RILPL2: variants seen among roughly 807,000 people sequenced by gnomAD.
The protein encoded by RILPL2 is Rab interacting lysosomal protein like 2, also known as RILP-like protein 2.
In RILPL2, 19 loss-of-function variants were observed where a neutral mutation model predicts 22.2. The observed-to-expected ratio is 0.86, with a 90% CI of 0.60 to 1.25. RILPL2 has a LOEUF of 1.25. Among genes scored for constraint, RILPL2 ranks in the 50% most tolerant of loss-of-function variants. The pLI is 0.00. For missense variants in RILPL2, 243 were observed against 263.6 expected, an observed-to-expected ratio of 0.92 and a Z score of 0.54; for synonymous variants, 123 against 111.6, an observed-to-expected ratio of 1.10 and a Z score of -0.64.
intron 2 of RILPL2, among the ~76,000 whole-genome samples, chr12:123,423,805 C>T (rs750772599): frequency 2.6e-5 from 4 of 151,960 alleles, no homozygotes; most frequent in Admixed American, 6.6e-5. Context: ...AGGCGCCCGC[C>T]ACCACACCCG....
intron 2 of RILPL2, 60 bp downstream of exon 2, chr12:123,430,448 A>G: frequency 6.7e-7 from 1 of 1,484,768 alleles, no homozygotes; most frequent in Non-Finnish European, 9.0e-7. Context: ...CAAATATGTA[A>G]CCTAGCAAGG....
At chr12:123,423,203 GTTTTT>G in intron 2 of RILPL2, 46 bp from the exon 3 acceptor site, 169 of 826,170 alleles carry the variant, frequency 2.0e-4, no homozygotes, top group Non-Finnish European at 2.6e-4. Context: ...ATTACAGATC[GTTTTT>G]TTTTTTTTTT....
chr12:123,415,799 G>C lies in RILPL2; in HGVS notation c.*92C>G. 1 of 1,188,818 alleles carries C rather than the reference G, an allele frequency of 8.4e-7. No individual in the cohort carries two copies. The highest frequency in any genetic ancestry group is 1.2e-5 in the South Asian group (1 of 82,674). The allele number at this position is 1,188,818 out of a possible 1,614,324, so 73.6% of individuals were successfully genotyped here. ...GGGGAAATAAATACACAGGCCTAGT[G>C]TGTCTGTGTGGCACAGGGAGGTGGT... On this transcript the variant is annotated 3_prime_UTR_variant, in exon 4 of 4. Coordinates refer to ENST00000280571, the MANE Select transcript of RILPL2 (RefSeq NM_145058.3).
rs559726330 is a variant in RILPL2, at chr12:123,419,012, C to T, written c.606-3091G>A. 1.5e-4 allele frequency among the ~76,000 whole-genome samples: 21 copies of T among 142,552 alleles called. No individual in the cohort carries two copies. The East Asian group carries it at 2.7e-3, about 18-fold the overall frequency. The allele number at this position is 142,552 out of a possible 152,430, so 93.5% of individuals were successfully genotyped here. ...GATTATAGGTGTGACCCACTGCGCCCGGCTTTTTTTTTTTTTGAGACGGAG... is the reference window on the plus strand; with the variant it reads ...GATTATAGGTGTGACCCACTGCGCCTGGCTTTTTTTTTTTTTGAGACGGAG... On this transcript the variant is annotated intron_variant, in intron 3 of 3. Transcript: ENST00000280571.
chr12:123,423,022 G>C (rs749129463), intron 3 of RILPL2, 22 bp downstream of exon 3: 7 of 1,536,628 alleles, frequency 4.6e-6, no homozygotes, highest in South Asian at 1.1e-5. Context: ...GCGGGACCGG[G>C]GGGCAGCAAG....
At chr12:123,412,481 C>G (rs2139225572), downstream of RILPL2, 1 of 152,268 alleles carries the variant, frequency 6.6e-6, no homozygotes, top group South Asian at 2.1e-4. Flanking sequence ...ATTAGGAGCC[C>G]TGATCTAATG....
rs551866960 is a variant in RILPL2, at chr12:123,417,423, G to C, written c.606-1502C>G. The stretch of plus-strand genomic sequence containing the variant: ...ATAAATACGGTCATGTTACTCTCCA[G>C]CTTAAAACCATCCAATGTCTCTTCC... On this transcript the variant is annotated intron_variant, in intron 3 of 3. Transcript: ENST00000280571. Among the ~76,000 whole-genome samples the C allele has an allele frequency of 8.5e-5, 13 of 152,092 alleles. No individual in the cohort carries two copies. The South Asian group carries it at 2.7e-3, about 32-fold the overall frequency.
In RILPL2 at chr12:123,436,683, A is replaced by G; in HGVS notation, c.-263T>C. On this transcript the variant is annotated 5_prime_UTR_variant, in exon 1 of 4. Transcript: ENST00000280571. This position sits in a 1 kb window ranked among gnomAD's most constrained non-coding sequence, Gnocchi z 6.7. ...TTGGGGCGCGAAGGGACAACGGAAA[A>G]GGAGGCAGCCGAGAAGAGGAACGGG... 3.6e-6 allele frequency: 2 copies of G among 548,526 alleles called. No individual in the cohort carries two copies. Among genetic ancestry groups the G allele is most frequent in the Non-Finnish European group, 6.4e-6 (2 of 311,478 alleles). The allele number at this position is 548,526 out of a possible 1,614,324, so 34.0% of individuals were successfully genotyped here.
At chr12:123,412,360 C>T (rs1291942492), downstream of RILPL2, 2 of 152,250 alleles carry the variant, frequency 1.3e-5, no homozygotes, top group African/African-American at 2.4e-5. Context: ...AGGCTGGTCT[C>T]GAACTCCTGG....
chr12:123,428,210 C>T (rs571441376), intron 2 of RILPL2, among the ~76,000 whole-genome samples: 4 of 152,262 alleles, frequency 2.6e-5, no homozygotes, highest in South Asian at 4.1e-4. Context: ...GATGTCGGCT[C>T]GCTGCAAGCT....
downstream of RILPL2, chr12:123,413,957 A>G (rs1879046193): frequency 6.6e-6 from 1 of 152,274 alleles, no homozygotes. Flanking sequence ...ACCTTGAGCT[A>G]GATACAGAGT....
chr12:123,415,803 C>T lies in RILPL2; in HGVS notation c.*88G>A, dbSNP rs1879100499. ...AAATAAATACACAGGCCTAGTGTGTCTGTGTGGCACAGGGAGGTGGTTTTG... is the reference window on the plus strand; with the variant it reads ...AAATAAATACACAGGCCTAGTGTGTTTGTGTGGCACAGGGAGGTGGTTTTG... On this transcript the variant is annotated 3_prime_UTR_variant, in exon 4 of 4. Coordinates refer to ENST00000280571, the MANE Select transcript of RILPL2 (RefSeq NM_145058.3). The T allele has an allele frequency of 7.9e-7, 1 of 1,259,008 alleles. No homozygotes were observed. The highest frequency in any genetic ancestry group is 1.2e-6 in the Non-Finnish European group (1 of 855,944). 78.0% of individuals were successfully genotyped at this position (1,259,008 alleles called of 1,614,324 possible).
At chr12:123,420,716 C>A (rs531917566) in intron 3 of RILPL2, among the ~76,000 whole-genome samples, 2 of 152,136 alleles carry the variant, frequency 1.3e-5, no homozygotes, top group African/African-American at 2.4e-5. Flanking sequence ...GGTTTACAGG[C>A]GTCAGCCACT....
chr12:123,415,822 G>A lies in RILPL2; in HGVS notation c.*69C>T. ...GTGTGTCTGTGTGGCACAGGGAGGT[G>A]GTTTTGCCAGGCATCTTGGAAGGTT... On this transcript the variant is annotated 3_prime_UTR_variant, in exon 4 of 4. Transcript: ENST00000280571. 1 of 1,467,572 alleles carries A rather than the reference G, an allele frequency of 6.8e-7. No homozygotes were observed. The highest frequency in any genetic ancestry group is 1.7e-5 in the Admixed American group (1 of 59,818). The allele number at this position is 1,467,572 out of a possible 1,614,324, so 90.9% of individuals were successfully genotyped here.
intron 1 of RILPL2, among the ~76,000 whole-genome samples, chr12:123,432,710 G>A (rs908610670): frequency 2.0e-5 from 3 of 151,936 alleles, no homozygotes; most frequent in African/African-American, 7.3e-5. Context: ...TGCACACCAC[G>A]CTGTTCTCGG....
intron 1 of RILPL2, among the ~76,000 whole-genome samples, chr12:123,433,702 G>A (rs1360581067): frequency 2.6e-5 from 4 of 152,206 alleles, no homozygotes; most frequent in Non-Finnish European, 4.4e-5. Flanking sequence ...GTGAGCCACC[G>A]CGCCTGGCCT....
the RILPL2 span, chr12:123,409,483 CTG>C: frequency 3.3e-5 from 5 of 151,684 alleles, no homozygotes; most frequent in Admixed American, 6.6e-5. Flanking sequence ...TCCCAGAACT[CTG>C]AGCTCTTTCG....
chr12:123,432,527 C>G (rs189359156), intron 1 of RILPL2, among the ~76,000 whole-genome samples: 18 of 152,236 alleles, frequency 1.2e-4, no homozygotes, highest in Admixed American at 1.0e-3. Flanking sequence ...AGAAAAAAAA[C>G]AAGGCATATT....
chr12:123,430,366 G>A lies in RILPL2; in HGVS notation c.491+142C>T, dbSNP rs534974687. 9.3e-4 allele frequency: 604 copies of A among 650,580 alleles called. 1 individual carries two copies. Among genetic ancestry groups the A allele is most frequent in the African/African-American group, 7.6e-3 (395 of 52,250 alleles). The allele number at this position is 650,580 out of a possible 1,614,324, so 40.3% of individuals were successfully genotyped here. The stretch of plus-strand genomic sequence containing the variant: ...AGAGGTTGCAGTGAGCCGAGATCGC[G>A]CCACTGCACTCCAGCCTGGGCGACA... On this transcript the variant is annotated intron_variant, in intron 2 of 3. Transcript: ENST00000280571.
Sources: allele counts gnomAD v4.1 joint callset (sites outside exome capture counted in the v4.1 genomes callset), GRCh38; gene constraint gnomAD v4.1.1; non-coding constraint Gnocchi (gnomAD v3.1); transcripts MANE v1.5; gene names NCBI Gene and HGNC (gene_info 2026-07-23, HGNC 2026-07-21).